RPP40: variants seen among roughly 807,000 people sequenced by gnomAD.
RPP40 encodes ribonuclease P protein subunit p40.
A neutral mutation model predicts 42.5 loss-of-function variants in RPP40; 30 were observed. The ratio of observed to expected loss-of-function variants is 0.71; its 90% CI spans 0.53 to 0.96. The LOEUF (loss-of-function observed/expected upper bound fraction) is 0.96. Ranked by LOEUF, RPP40 falls within the 40% of genes least tolerant of loss-of-function variation. The pLI is 0.00. For synonymous variants in RPP40, 173 were observed against 164.0 expected (o/e 1.05, Z -0.42); for missense variants, 426 against 433.5 (o/e 0.98, Z 0.15).
chr6:4,998,570 G>T, intron 5 of RPP40, 146 bp downstream of exon 5: 1 of 525,620 alleles, frequency 1.9e-6, no homozygotes. Context: ...TGTCAGAAGG[G>T]CTAGTTTCCT....
At chr6:4,996,516 A>C in intron 5 of RPP40, 96 bp from the exon 6 acceptor site, 2 of 1,040,124 alleles carry the variant, frequency 1.9e-6, no homozygotes, top group African/African-American at 3.1e-5. Context: ...TCTGAGCGGT[A>C]AGATTGAGTA....
At chr6:4,990,875 G>A (rs936578435), downstream of RPP40, among the ~76,000 whole-genome samples, 3 of 151,908 alleles carry the variant, frequency 2.0e-5, no homozygotes, top group Non-Finnish European at 4.4e-5. Flanking sequence ...GGTGAGCTTT[G>A]GTAATTTGTG....
intron 5 of RPP40, among the ~76,000 whole-genome samples, chr6:4,996,738 A>C (rs934790342): frequency 6.6e-6 from 1 of 152,214 alleles, no homozygotes; most frequent in Non-Finnish European, 1.5e-5. Flanking sequence ...CTGATGTATG[A>C]ATAATATTAG....
chr6:4,991,406 T>C (rs1279250240), downstream of RPP40, among the ~76,000 whole-genome samples: 1 of 152,234 alleles, frequency 6.6e-6, no homozygotes, highest in East Asian at 1.9e-4. Flanking sequence ...GATTTTTGTT[T>C]GAACAGCTAA....
At chr6:4,988,718 G>C in the RPP40 span, among the ~76,000 whole-genome samples, 1 of 151,988 alleles carries the variant, frequency 6.6e-6, no homozygotes, top group African/African-American at 2.4e-5. Context: ...AACCATTCAC[G>C]CACTGAAGGA....
At chr6:4,991,998 A>C (rs534461172), downstream of RPP40, among the ~76,000 whole-genome samples, 25 of 152,274 alleles carry the variant, frequency 1.6e-4, no homozygotes, top group Non-Finnish European at 3.2e-4. Flanking sequence ...GCCTCCCCAG[A>C]AGCCAGGCAG....
chr6:5,003,400 G>T (rs1251216683), intron 1 of RPP40, among the ~76,000 whole-genome samples: 1 of 150,952 alleles, frequency 6.6e-6, no homozygotes, highest in Non-Finnish European at 1.5e-5. Context: ...CCGAGCCTAG[G>T]CAGGATGCTC....
intron 7 of RPP40, among the ~76,000 whole-genome samples, chr6:4,995,615 A>T (rs1759351139): frequency 6.6e-6 from 1 of 152,220 alleles, no homozygotes; most frequent in South Asian, 2.1e-4. Context: ...AGTCTCAGTT[A>T]ACTGAAACGT....
the RPP40 span, among the ~76,000 whole-genome samples, chr6:4,989,424 A>G: frequency 1.4e-5 from 2 of 145,082 alleles, no homozygotes; most frequent in Non-Finnish European, 3.0e-5. Context: ...TTCTACAAAC[A>G]TTTTAGAATC....
chr6:4,999,841 G>A lies in RPP40; in HGVS notation c.401C>T (p.Ser134Phe), dbSNP rs1759497619. The change falls in exon 4 of 8, where the codon TCT becomes TTT. Residue 134 changes from serine (S) to phenylalanine (F), a missense_variant. Physicochemically the swap from Ser to Phe is radical, Grantham distance 155. Coordinates refer to ENST00000380051, the MANE Select transcript of RPP40 (RefSeq NM_006638.4). Reference sequence around the variant, plus strand: ...CATAATTTTTCTGCCAGAAAACTGAGATGGATGACCCTGAAGTCCAGTTTC... The same window carrying A: ...CATAATTTTTCTGCCAGAAAACTGAAATGGATGACCCTGAAGTCCAGTTTC... ...YEETGLQGHPSQFSGRKIMKF... is the reference protein window; with the variant it reads ...YEETGLQGHPFQFSGRKIMKF... 6.2e-7 allele frequency: 1 copy of A among 1,606,818 alleles called. No homozygotes were observed. The highest frequency in any genetic ancestry group is 2.2e-5 in the East Asian group (1 of 44,774).
At position 4,996,260 on chromosome 6, in the gene RPP40, G is replaced by C; in HGVS notation, c.720C>G (p.Leu240=). 2 of 1,614,054 alleles carry C rather than the reference G, an allele frequency of 1.2e-6. No individual in the cohort carries two copies. The highest frequency in any genetic ancestry group is 1.7e-6 in the Non-Finnish European group (2 of 1,180,010). Residue 240 remains leucine, a synonymous_variant, in exon 6 of 8, where the codon CTC becomes CTG. Coordinates refer to ENST00000380051, the MANE Select transcript of RPP40 (RefSeq NM_006638.4). Reference sequence around the variant, plus strand: ...TGAAGACGGCGCCGAGCCAGTCGAAGAGCTCCAGAGCCCGGCAGGACACCT... The same window carrying C: ...TGAAGACGGCGCCGAGCCAGTCGAACAGCTCCAGAGCCCGGCAGGACACCT... The part of the protein sequence containing the change: ...TPEVSCRALE[L]FDWLGAVFSN...
intron 2 of RPP40, 49 bp from the exon 3 acceptor site, chr6:5,000,680 G>T: frequency 8.9e-7 from 1 of 1,121,020 alleles, no homozygotes; most frequent in Non-Finnish European, 1.4e-6. Context: ...AATTACACCT[G>T]CAAGATGTTA....
At chr6:4,999,969 AAAGC>A in intron 3 of RPP40, 65 bp from the exon 4 acceptor site, 2 of 941,954 alleles carry the variant, frequency 2.1e-6, no homozygotes, top group Non-Finnish European at 3.4e-6. Context: ...TGACTAAAAG[AAAGC>A]AAGGCAAATT....
At chr6:5,001,039 A>G (rs1759540851) in intron 2 of RPP40, 3 of 460,170 alleles carry the variant, frequency 6.5e-6, no homozygotes, top group South Asian at 1.5e-5. Flanking sequence ...CCAACAGCCT[A>G]TTTGTGCAAG....
rs1417773960 is a variant in RPP40 at position 4,996,149 on chromosome 6, A to G, written c.759-64T>C. Reference sequence around the variant, plus strand: ...GTATATCCATCACATGATCACTTCCAAAGTATTAAACTCCTATTAAAAACA... The same window carrying G: ...GTATATCCATCACATGATCACTTCCGAAGTATTAAACTCCTATTAAAAACA... On this transcript the variant is annotated intron_variant, in intron 6 of 7. Transcript: ENST00000380051. 4 of 1,608,380 alleles carry G rather than the reference A, an allele frequency of 2.5e-6. No homozygotes were observed. In the African/African-American group the frequency reaches 4.0e-5, roughly 16 times the overall value.
rs574999830 is a variant in RPP40 at position 5,003,809 on chromosome 6, C to T, written c.123+71G>A. ...GGCGGCCCCGCCCCGCGAAGCCTAG[C>T]ACTCTCCCCAAACCTCTCTCGCACG... is the stretch of plus-strand genomic sequence containing the variant. On this transcript the variant is annotated intron_variant, in intron 1 of 7. Transcript: ENST00000380051. 13 of 1,534,496 alleles carry T rather than the reference C, an allele frequency of 8.5e-6. No homozygotes were observed. The East Asian group carries it at 2.9e-4, about 34-fold the overall frequency.
intron 1 of RPP40, among the ~76,000 whole-genome samples, chr6:5,002,591 A>T (rs1363504762): frequency 2.0e-5 from 3 of 152,248 alleles, no homozygotes; most frequent in Non-Finnish European, 4.4e-5. Flanking sequence ...GAAATATAGT[A>T]TAATTGAATA....
chr6:4,995,343 T>C lies in RPP40; in HGVS notation c.894-67A>G, dbSNP rs1581317400. On this transcript the variant is annotated intron_variant, in intron 7 of 7. Coordinates refer to ENST00000380051, the MANE Select transcript of RPP40 (RefSeq NM_006638.4). ...TTAGGAATGTCTGCATTTTAAAAAA[T>C]TTATTCAGGATAAGTAGTATTTCTG... The C allele has an allele frequency of 2.7e-6, 3 of 1,125,868 alleles. No homozygotes were observed. The East Asian group carries it at 7.4e-5, about 28-fold the overall frequency. The allele number at this position is 1,125,868 out of a possible 1,614,324, so 69.7% of individuals were successfully genotyped here.
At chr6:4,996,162 C>A (rs1759372730) in intron 6 of RPP40, 60 bp downstream of exon 6, 1 of 1,604,948 alleles carries the variant, frequency 6.2e-7, no homozygotes, top group African/African-American at 1.3e-5. Flanking sequence ...GTATTAAACT[C>A]CTATTAAAAA....
Sources: gnomAD v4.1 joint callset for allele counts (sites outside exome capture counted in the v4.1 genomes callset) on GRCh38, gnomAD v4.1.1 for gene constraint, MANE v1.5 for transcripts, NCBI Gene and HGNC (gene_info 2026-07-23, HGNC 2026-07-21) for gene names.